ECSIT: variants seen among roughly 807,000 people sequenced by gnomAD.
ECSIT encodes the protein evolutionarily conserved signaling intermediate in Toll pathway, mitochondrial.
In ECSIT, 29 loss-of-function variants were observed where a neutral mutation model predicts 36.8. The observed-to-expected ratio is 0.79, with a 90% CI of 0.59 to 1.08. The LOEUF is 1.08. ECSIT is among the 50% of genes least tolerant of loss of function. The pLI, the probability that ECSIT is intolerant of heterozygous loss-of-function variation, is 0.00. For synonymous variants in ECSIT, 231 were observed against 234.8 expected, an observed-to-expected ratio of 0.98 and a Z score of 0.15; for missense variants, 542 against 581.0, an observed-to-expected ratio of 0.93 and a Z score of 0.69.
At chr19:11,524,799 G>C (rs769402238) in intron 1 of ECSIT, among the ~76,000 whole-genome samples, 1 of 152,002 alleles carries the variant, frequency 6.6e-6, no homozygotes, top group Non-Finnish European at 1.5e-5. Context: ...ACTCTGGCTT[G>C]GGTGACAGAG....
At chr19:11,513,677 G>C in intron 3 of ECSIT, 127 bp downstream of exon 3, 1 of 1,169,840 alleles carries the variant, frequency 8.5e-7, no homozygotes, top group Middle Eastern at 2.2e-4. Context: ...AGAGGGATTC[G>C]GAGAGGGAGA....
At chr19:11,515,429 G>T (rs1421701489) in intron 2 of ECSIT, among the ~76,000 whole-genome samples, 1 of 151,626 alleles carries the variant, frequency 6.6e-6, no homozygotes, top group African/African-American at 2.4e-5. Context: ...GAGATTACAG[G>T]CATGAGCCAC....
chr19:11,523,680 C>A (rs756155921), intron 1 of ECSIT: 3 of 730,528 alleles, frequency 4.1e-6, no homozygotes, highest in Non-Finnish European at 7.3e-6. Flanking sequence ...TTGATGACAA[C>A]AAGAAACTAG....
intron 1 of ECSIT, chr19:11,523,373 G>A (rs943463399): frequency 4.7e-5 from 21 of 450,190 alleles, no homozygotes; most frequent in South Asian, 2.9e-4. Context: ...TGCCACTGCC[G>A]AGTTGCGCGG....
Position 11,513,817 on chromosome 19 carries a change from C to T in ECSIT, c.501G>A (p.Gln167=), listed in dbSNP as rs1316579137. ...QQECGIAVLE[Q]MENHGVMPNK... is the part of the protein sequence containing the mutation. ...TCCTGGCCTCACCGTGGTTCTCCAT[C>T]TGCTCCAGGACAGCAATCCCACACT... is the stretch of plus-strand genomic sequence containing the variant. The change falls in exon 3 of 8, where the codon CAG becomes CAA. Residue 167 remains glutamine, a synonymous_variant. Coordinates refer to ENST00000270517, the MANE Select transcript of ECSIT (RefSeq NM_016581.5). 1 of 1,613,974 alleles carries T rather than the reference C, an allele frequency of 6.2e-7. No individual in the cohort carries two copies. Among genetic ancestry groups the T allele is most frequent in the East Asian group, 2.2e-5 (1 of 44,884 alleles).
intron 4 of ECSIT, among the ~76,000 whole-genome samples, chr19:11,510,053 A>G (rs1971839550): frequency 6.6e-6 from 1 of 151,964 alleles, no homozygotes; most frequent in Non-Finnish European, 1.5e-5. Context: ...TTGTATTTTT[A>G]GTAGAGACGA....
chr19:11,506,525 CTTCCTT>C, intron 7 of ECSIT, 97 bp from the exon 8 acceptor site: 2 of 1,035,394 alleles, frequency 1.9e-6, no homozygotes, highest in East Asian at 3.0e-5. Context: ...CTCCCTTCCA[CTTCCTT>C]TTTTTTTTTT....
At chr19:11,525,981 C>G (rs1244285687) in intron 1 of ECSIT, among the ~76,000 whole-genome samples, 1 of 149,100 alleles carries the variant, frequency 6.7e-6, no homozygotes, top group African/African-American at 2.5e-5. Context: ...TTTTTTTTTT[C>G]CCAGGCGGAG....
In ECSIT at chr19:11,507,994, C is replaced by T. The variant is rs200967990; in HGVS notation, c.793G>A (p.Val265Ile). 22 of 1,614,120 alleles carry T rather than the reference C, an allele frequency of 1.4e-5. No homozygotes were observed. The Admixed American group carries it at 1.7e-4, about 12-fold the overall frequency. ...GAADPPQPHI[V>I]GIQSPDQQAA... ...GCCCCCATGCTCTCGGACTTACCTA[C>T]GATGTGGGGCTGGGGGGGATCTGCT... The change falls in exon 5 of 8, where the codon GTA becomes ATA. Residue 265 changes from valine (V) to isoleucine (I), a missense_variant. Physicochemically the swap from Val to Ile is conservative, Grantham distance 29. Coordinates refer to ENST00000270517, the MANE Select transcript of ECSIT (RefSeq NM_016581.5).
chr19:11,526,004 G>C (rs538979348), intron 1 of ECSIT, among the ~76,000 whole-genome samples: 1 of 151,126 alleles, frequency 6.6e-6, no homozygotes, highest in Non-Finnish European at 1.5e-5. Flanking sequence ...TTGCTCTGTC[G>C]CCCAGGCTGG....
At chr19:11,527,218 A>T (rs1392892835) in intron 1 of ECSIT, among the ~76,000 whole-genome samples, 1 of 152,180 alleles carries the variant, frequency 6.6e-6, no homozygotes, top group Non-Finnish European at 1.5e-5. Flanking sequence ...GCTATTCGGG[A>T]GCCTGAGGCA....
chr19:11,521,754 C>T (rs983439210), intron 1 of ECSIT, among the ~76,000 whole-genome samples: 6 of 151,828 alleles, frequency 4.0e-5, no homozygotes, highest in Middle Eastern at 6.8e-3. Context: ...CCAGCCTGGG[C>T]GAAAGAGGAA....
At position 11,507,533 on chromosome 19, in the gene ECSIT, G is replaced by C. The variant is rs769739912; in HGVS notation, c.975C>G (p.Asn325Lys). The change falls in exon 7 of 8, where the codon AAC becomes AAG. Residue 325 changes from asparagine (N) to lysine (K), a missense_variant. By Grantham distance (94) the Asn-to-Lys change is moderately conservative (BLOSUM62 0). Coordinates refer to ENST00000270517, the MANE Select transcript of ECSIT (RefSeq NM_016581.5). ...GGTCCAGCTGCATCGGGTAGTAGAG[G>C]TTCCACTCCTCCGGCGTCTCTTCCA... ...REVEETPEEW[N>K]LYYPMQLDLE... The C allele has an allele frequency of 1.9e-6, 3 of 1,614,078 alleles. No individual in the cohort carries two copies. Among genetic ancestry groups the C allele is most frequent in the Non-Finnish European group, 2.5e-6 (3 of 1,180,014 alleles).
rs555442152 is a variant in ECSIT at position 11,513,266 on chromosome 19, G to A, written c.528C>T (p.Asn176=). The A allele has an allele frequency of 2.5e-6, 4 of 1,614,138 alleles. No individual in the cohort carries two copies. In the African/African-American group the frequency reaches 4.0e-5, roughly 16 times the overall value. The change falls in exon 4 of 8, where the codon AAC becomes AAT. Residue 176 remains asparagine, a synonymous_variant. Coordinates refer to ENST00000270517, the MANE Select transcript of ECSIT (RefSeq NM_016581.5). Reference sequence around the variant, plus strand: ...GAATCAGCAGGAACTCCGTCTCCTTGTTGGGCATCACACCTGTGCTGGGCA... The same window carrying A: ...GAATCAGCAGGAACTCCGTCTCCTTATTGGGCATCACACCTGTGCTGGGCA... The part of the protein sequence containing the change: ...EQMENHGVMP[N]KETEFLLIQI...
chr19:11,520,786 T>C (rs1599588096), intron 1 of ECSIT, among the ~76,000 whole-genome samples: 1 of 150,108 alleles, frequency 6.7e-6, no homozygotes, highest in South Asian at 2.1e-4. Context: ...GCTGGGATTA[T>C]AGTCGTGAGC....
At chr19:11,513,343 A>T in intron 3 of ECSIT, 64 bp from the exon 4 acceptor site, 2 of 1,336,866 alleles carry the variant, frequency 1.5e-6, no homozygotes, top group Non-Finnish European at 1.1e-6. Flanking sequence ...GGAAGAGGAG[A>T]AAAGAAAACA....
chr19:11,513,538 G>GGA (rs1555739639), intron 3 of ECSIT, among the ~76,000 whole-genome samples: 6 of 140,924 alleles, frequency 4.3e-5, no homozygotes, highest in African/African-American at 1.7e-4. Context: ...GAGAGAAAGA[G>GGA]AGGAAGGAAG....
intron 3 of ECSIT, 38 bp downstream of exon 3, chr19:11,513,766 A>G: frequency 4.3e-6 from 7 of 1,611,008 alleles, no homozygotes; most frequent in Non-Finnish European, 5.9e-6. Flanking sequence ...CTATCAGTGT[A>G]GCCCACTCCC....
intron 4 of ECSIT, among the ~76,000 whole-genome samples, chr19:11,511,858 C>A (rs142179459): frequency 6.6e-6 from 1 of 151,970 alleles, no homozygotes; most frequent in Non-Finnish European, 1.5e-5. Flanking sequence ...CATGGTAAAA[C>A]CCCGTTTCTA....
Sources: allele counts gnomAD v4.1 joint callset (sites outside exome capture counted in the v4.1 genomes callset), GRCh38; gene constraint gnomAD v4.1.1; transcripts MANE v1.5; gene names NCBI Gene and HGNC (gene_info 2026-07-23, HGNC 2026-07-21).